Variants in SRSF11 observed in about 807,000 individuals in gnomAD.
SRSF11 encodes serine/arginine-rich splicing factor 11.
Under a neutral mutation model 56.0 loss-of-function variants are expected in SRSF11, and 9 were observed. The observed-to-expected ratio is 0.16, with a 90% CI of 0.10 to 0.28. SRSF11 has a LOEUF of 0.28. Among genes scored for constraint, SRSF11 ranks in the 10% least tolerant of loss-of-function variants. SRSF11 has a pLI of 1.00. For synonymous variants in SRSF11, 222 were observed against 215.3 expected, an observed-to-expected ratio of 1.03 and a Z score of -0.27; for missense variants, 421 against 600.7, an observed-to-expected ratio of 0.70 and a Z score of 3.13.
intron 10 of SRSF11, 32 bp downstream of exon 10, chr1:70,250,079 T>G (rs1171757061): frequency 1.5e-5 from 24 of 1,571,760 alleles, no homozygotes; most frequent in Non-Finnish European, 1.8e-5. Flanking sequence ...ATGTATTTTT[T>G]ATATTTTTCA....
intron 7 of SRSF11, 93 bp from the exon 8 acceptor site, chr1:70,244,591 C>A (rs1676310199): frequency 2.2e-6 from 3 of 1,361,936 alleles, no homozygotes; most frequent in Non-Finnish European, 3.0e-6. Context: ...ATTGTTTAGT[C>A]CATATGTCCG....
rs1571986287 is a variant in SRSF11 at position 70,251,784 on chromosome 1, G to A, written c.*979G>A. 6.6e-6 allele frequency: 1 copy of A among 152,496 alleles called. No individual in the cohort carries two copies. The highest frequency in any genetic ancestry group is 1.9e-4 in the East Asian group (1 of 5,190). The allele number at this position is 152,496 out of a possible 1,614,324, so 9.4% of individuals were successfully genotyped here. A position where few individuals can be genotyped will look rare whatever the true frequency, so the allele number is the denominator to read the frequency against. On this transcript the variant is annotated 3_prime_UTR_variant, in exon 12 of 12. Coordinates refer to ENST00000370949, the MANE Select transcript of SRSF11 (RefSeq NM_001350605.2). The stretch of plus-strand genomic sequence containing the variant: ...ATGTACCTTTATTTGATCTCAAGTT[G>A]TATAAAACCAATAAATTTGTGTTAC...
chr1:70,234,852 G>C (rs1355844047), intron 4 of SRSF11, 64 bp downstream of exon 4: 1 of 1,364,970 alleles, frequency 7.3e-7, no homozygotes. Flanking sequence ...ATTAACTGTT[G>C]GTTTGCATTT....
rs4650032 is a variant in SRSF11 at position 70,208,334 on chromosome 1, G to A, written c.-26+2554G>A. Among the ~76,000 whole-genome samples, 499 of 152,146 alleles carry A rather than the reference G, an allele frequency of 3.3e-3. 5 individuals are homozygous for A. Among genetic ancestry groups the A allele is most frequent in the South Asian group, 0.031 (148 of 4,810 alleles). On this transcript the variant is annotated intron_variant, in intron 1 of 12. Coordinates refer to the SRSF11 transcript ENST00000370950. ...CTGTAATACAGTGTATGGTGTGTGTGTGTGTGTGTGTGTGAGTGAGATGGA... is the reference window on the plus strand; with the variant it reads ...CTGTAATACAGTGTATGGTGTGTGTATGTGTGTGTGTGTGAGTGAGATGGA...
intron 1 of SRSF11, among the ~76,000 whole-genome samples, chr1:70,209,118 T>C (rs1222856710): frequency 6.6e-6 from 1 of 152,206 alleles, no homozygotes; most frequent in East Asian, 1.9e-4. Flanking sequence ...ATGTTAAACC[T>C]AAAAATCACA....
At chr1:70,233,440 A>G (rs1673275508) in intron 3 of SRSF11, among the ~76,000 whole-genome samples, 1 of 152,050 alleles carries the variant, frequency 6.6e-6, no homozygotes, top group Non-Finnish European at 1.5e-5. Context: ...GGGTTTCACC[A>G]TGTTGGCCAG....
intron 2 of SRSF11, chr1:70,232,024 A>G (rs1672925303): frequency 6.7e-7 from 1 of 1,502,692 alleles, no homozygotes; most frequent in Non-Finnish European, 8.9e-7. Context: ...GTATTGTGCT[A>G]TTTTTTTTTA....
chr1:70,222,896 A>G (rs898897508), intron 1 of SRSF11: 3 of 152,202 alleles, frequency 2.0e-5, no homozygotes, highest in African/African-American at 7.2e-5. Context: ...ATCACTTTCC[A>G]CTTAAAATAC....
chr1:70,235,074 T>C (rs1002185616), intron 4 of SRSF11, among the ~76,000 whole-genome samples: 2 of 152,268 alleles, frequency 1.3e-5, no homozygotes, highest in East Asian at 3.9e-4. Context: ...AAGAATGTGG[T>C]TTATAATTTT....
chr1:70,230,196 G>A (rs1297027434), intron 2 of SRSF11: 4 of 983,756 alleles, frequency 4.1e-6, no homozygotes, highest in Non-Finnish European at 4.8e-6. Context: ...AATTTTTCTA[G>A]ACCTATTTTT....
chr1:70,214,127 G>C (rs1261099182), intron 1 of SRSF11, among the ~76,000 whole-genome samples: 2 of 152,182 alleles, frequency 1.3e-5, no homozygotes, highest in Non-Finnish European at 2.9e-5. Context: ...GTATTAAAAT[G>C]CATGAAACTA....
chr1:70,234,125 TG>T (rs980314615), intron 3 of SRSF11, among the ~76,000 whole-genome samples: 2 of 152,196 alleles, frequency 1.3e-5, no homozygotes, highest in Non-Finnish European at 2.9e-5. Context: ...CGAGGGCTAC[TG>T]GGTGTTTGAC....
At chr1:70,229,884 T>G in intron 2 of SRSF11, 1 of 985,306 alleles carries the variant, frequency 1.0e-6, no homozygotes, top group Non-Finnish European at 1.2e-6. Flanking sequence ...TTTTAAGGTT[T>G]TGTAATGTAT....
chr1:70,247,503 A>G lies in SRSF11; in HGVS notation c.1022+596A>G, dbSNP rs149755999. On this transcript the variant is annotated intron_variant, in intron 9 of 11. Coordinates refer to ENST00000370949, the MANE Select transcript of SRSF11 (RefSeq NM_001350605.2). The stretch of plus-strand genomic sequence containing the variant: ...TTTTGCTGCAGTGCTTGTTTTATTC[A>G]TCAACATTACTTAAATTCACTAGGA... 4.5e-3 allele frequency among the ~76,000 whole-genome samples: 678 copies of G among 152,162 alleles called. 6 individuals are homozygous for G. The highest frequency in any genetic ancestry group is 0.016 in the African/African-American group (664 of 41,550).
upstream of SRSF11, among the ~76,000 whole-genome samples, chr1:70,219,231 G>A (rs1333109180): frequency 6.6e-6 from 1 of 152,080 alleles, no homozygotes; most frequent in Non-Finnish European, 1.5e-5. Context: ...AGAGTATGAG[G>A]GTATGTGCTT....
chr1:70,206,566 A>C (rs1413896808), intron 1 of SRSF11, among the ~76,000 whole-genome samples: 1 of 152,066 alleles, frequency 6.6e-6, no homozygotes, highest in Non-Finnish European at 1.5e-5. Context: ...AATCCTGCCT[A>C]GTATGTGTAC....
upstream of SRSF11, among the ~76,000 whole-genome samples, chr1:70,218,368 A>G (rs945867495): frequency 2.0e-5 from 3 of 152,202 alleles, no homozygotes; most frequent in African/African-American, 7.2e-5. Flanking sequence ...ATATTTTAAA[A>G]TCCTCTTCAG....
rs562335600 is a variant in SRSF11, at chr1:70,235,574, A to G, written c.590+24A>G. On this transcript the variant is annotated intron_variant, in intron 5 of 11. Coordinates refer to ENST00000370949, the MANE Select transcript of SRSF11 (RefSeq NM_001350605.2). ...AAGTAAGCGTTTTTTCTTTGTTTTC[A>G]TTGGTGATGTGGTATCTGAATGTCT... 3.0e-4 allele frequency: 478 copies of G among 1,607,010 alleles called. 5 individuals are homozygous for G. The South Asian group carries it at 4.3e-3, about 15-fold the overall frequency.
intron 1 of SRSF11, among the ~76,000 whole-genome samples, chr1:70,224,738 A>G (rs1671397203): frequency 6.6e-6 from 1 of 152,194 alleles, no homozygotes; most frequent in Non-Finnish European, 1.5e-5. Flanking sequence ...TATCTTTACA[A>G]TAGGTGATAT....
Sources: gnomAD v4.1 joint callset for allele counts (sites outside exome capture counted in the v4.1 genomes callset) on GRCh38, gnomAD v4.1.1 for gene constraint, MANE v1.5 for transcripts, NCBI Gene and HGNC (gene_info 2026-07-23, HGNC 2026-07-21) for gene names.